Variants in ZNF540 observed in about 807,000 individuals in gnomAD.
The protein encoded by ZNF540 is CTD-3064H18.6.
ZNF540 carries 3 observed loss-of-function variants against 11.8 expected under a neutral mutation model. The ratio of observed to expected loss-of-function variants is 0.25; its 90% CI spans 0.12 to 0.65. The LOEUF (loss-of-function observed/expected upper bound fraction) is 0.65. Ranked by LOEUF, ZNF540 falls within the 30% of genes least tolerant of loss-of-function variation. The pLI is 0.83. For missense variants in ZNF540, 709 were observed against 793.1 expected (o/e 0.89, Z 1.27); for synonymous variants, 247 against 259.0 (o/e 0.95, Z 0.45).
chr19:37,577,686 C>T (rs1375527247), intron 1 of ZNF540, among the ~76,000 whole-genome samples: 1 of 151,998 alleles, frequency 6.6e-6, no homozygotes, highest in Non-Finnish European at 1.5e-5. Flanking sequence ...TGGTGATAGC[C>T]GGCTATTCAG....
upstream of ZNF540, among the ~76,000 whole-genome samples, chr19:37,590,267 AT>A (rs2043828727): frequency 6.6e-6 from 1 of 151,972 alleles, no homozygotes. Flanking sequence ...ATAAAAAAAA[AT>A]TAGCTGGGCG....
intron 1 of ZNF540, chr19:37,565,735 AG>A (rs2042832548): frequency 2.5e-6 from 4 of 1,613,672 alleles, no homozygotes; most frequent in Admixed American, 3.3e-5. Context: ...CACGAATAAA[AG>A]CTTTCCCACA....
intron 4 of ZNF540, among the ~76,000 whole-genome samples, chr19:37,606,630 A>G (rs2044087723): frequency 6.6e-6 from 1 of 152,140 alleles, no homozygotes; most frequent in Non-Finnish European, 1.5e-5. Context: ...GTGTGTGTGT[A>G]GTGGTATCTA....
intron 1 of ZNF540, among the ~76,000 whole-genome samples, chr19:37,559,547 T>G (rs1257151969): frequency 2.0e-5 from 3 of 152,160 alleles, no homozygotes; most frequent in African/African-American, 7.2e-5. Context: ...AAAAGCAAGG[T>G]GCACAAGACA....
At chr19:37,584,023 C>CCT (rs749855032) in intron 1 of ZNF540, 1 of 1,613,980 alleles carries the variant, frequency 6.2e-7, no homozygotes, top group Non-Finnish European at 8.5e-7. Flanking sequence ...TGTACAAGTC[C>CCT]CTCTGAGCAG....
intron 1 of ZNF540, chr19:37,566,022 C>G (rs2042844831): frequency 6.2e-7 from 1 of 1,613,984 alleles, no homozygotes; most frequent in East Asian, 2.2e-5. Context: ...TACAATTTTT[C>G]CTTGGTAGGA....
chr19:37,580,227 G>A (rs1164580547), intron 1 of ZNF540, among the ~76,000 whole-genome samples: 1 of 152,170 alleles, frequency 6.6e-6, no homozygotes, highest in African/African-American at 2.4e-5. Flanking sequence ...ACAGTTGGAG[G>A]CCTAACAGGA....
chr19:37,582,432 C>G (rs994565684), intron 1 of ZNF540, among the ~76,000 whole-genome samples: 2 of 152,174 alleles, frequency 1.3e-5, no homozygotes, highest in African/African-American at 4.8e-5. Context: ...CCTCAATTTC[C>G]TTTGCTAGAT....
chr19:37,555,335 T>A (rs2042648146), intron 1 of ZNF540: 1 of 152,716 alleles, frequency 6.5e-6, no homozygotes, highest in African/African-American at 2.4e-5. Context: ...AAATCGTTGA[T>A]TCCTCAATTA....
intron 1 of ZNF540, among the ~76,000 whole-genome samples, chr19:37,568,059 T>C (rs973707516): frequency 1.3e-5 from 2 of 152,202 alleles, no homozygotes; most frequent in Non-Finnish European, 2.9e-5. Context: ...GATCTTATAT[T>C]ATTCCGAAGA....
intron 1 of ZNF540, among the ~76,000 whole-genome samples, chr19:37,559,082 G>T (rs1277658958): frequency 6.6e-6 from 1 of 152,000 alleles, no homozygotes; most frequent in East Asian, 1.9e-4. Context: ...GCGCTCCAGT[G>T]ATTGCCTTGG....
At chr19:37,561,568 T>A (rs1288829360) in intron 1 of ZNF540, among the ~76,000 whole-genome samples, 1 of 152,224 alleles carries the variant, frequency 6.6e-6, no homozygotes, top group Non-Finnish European at 1.5e-5. Context: ...CTTCTCAACC[T>A]TTTAATTTGG....
intron 1 of ZNF540, chr19:37,566,186 A>G: frequency 6.2e-7 from 1 of 1,614,012 alleles, no homozygotes. Context: ...ATTGTATTGA[A>G]GGTGATGGTT....
chr19:37,561,326 T>G (rs772984435), intron 1 of ZNF540, among the ~76,000 whole-genome samples: 25 of 152,156 alleles, frequency 1.6e-4, no homozygotes, highest in Non-Finnish European at 2.9e-4. Flanking sequence ...TGTTCCTCTC[T>G]AGTGTAGTCC....
intron 1 of ZNF540, chr19:37,564,296 A>T: frequency 8.8e-6 from 2 of 226,484 alleles, no homozygotes; most frequent in Non-Finnish European, 1.7e-5. Context: ...TAATTTAGTC[A>T]TTGTAATACA....
intron 1 of ZNF540, among the ~76,000 whole-genome samples, chr19:37,583,069 CCTT>C (rs958356433): frequency 6.6e-6 from 1 of 152,210 alleles, no homozygotes; most frequent in African/African-American, 2.4e-5. Context: ...GCCACACTGG[CCTT>C]CTTGCTGATT....
intron 1 of ZNF540, chr19:37,564,555 A>G (rs780198010): frequency 6.9e-7 from 1 of 1,449,102 alleles, no homozygotes; most frequent in Non-Finnish European, 9.1e-7. Context: ...TAGATATGAA[A>G]TAGATGAAGA....
intron 4 of ZNF540, among the ~76,000 whole-genome samples, chr19:37,601,886 T>TTA (rs753759176): frequency 3.9e-5 from 6 of 152,232 alleles, no homozygotes; most frequent in Non-Finnish European, 8.8e-5. Flanking sequence ...GGGCCAGGTC[T>TTA]TATATGGTTC....
intron 2 of ZNF540, among the ~76,000 whole-genome samples, chr19:37,599,084 T>G (rs918389005): frequency 6.6e-6 from 1 of 152,180 alleles, no homozygotes; most frequent in Non-Finnish European, 1.5e-5. Flanking sequence ...AGATTTGCAG[T>G]GAGGTACTAT....
Sources: gnomAD v4.1 joint callset for allele counts (sites outside exome capture counted in the v4.1 genomes callset) on GRCh38, gnomAD v4.1.1 for gene constraint, MANE v1.5 for transcripts, NCBI Gene and HGNC (gene_info 2026-07-23, HGNC 2026-07-21) for gene names.